Variants in NACC1 observed in about 807,000 individuals in gnomAD.
NACC1 encodes nucleus accumbens associated 1, also known as nucleus accumbens-associated protein 1.
NACC1 carries 6 observed loss-of-function variants against 41.7 expected under a neutral mutation model. The observed-to-expected ratio is 0.14, with a 90% confidence interval of 0.08 to 0.28. The LOEUF is 0.28. Among genes scored for constraint, NACC1 ranks in the 10% least tolerant of loss-of-function variants. The pLI, the probability that NACC1 is intolerant of heterozygous loss-of-function variation, is 1.00. For missense variants in NACC1, 434 were observed against 763.7 expected (o/e 0.57, Z 5.09); for synonymous variants, 338 against 330.6 (o/e 1.02, Z -0.24).
At position 13,137,182 on chromosome 19, in the gene NACC1, C is replaced by T; in HGVS notation, c.1121-89C>T. 1 of 1,262,256 alleles carries T rather than the reference C, an allele frequency of 7.9e-7. No homozygotes were observed. The highest frequency in any genetic ancestry group is 1.1e-6 in the Non-Finnish European group (1 of 870,414). The allele number at this position is 1,262,256 out of a possible 1,614,324, so 78.2% of individuals were successfully genotyped here. On this transcript the variant is annotated intron_variant, in intron 3 of 5. Transcript: ENST00000292431. The surrounding 1 kb of genome is among the most constrained non-coding windows in gnomAD (Gnocchi z 6.1). ...GGGACCCAGAGCCCAGCAGGGAGGG[C>T]CTGGGGTGTTCTGAGATGAGGCCTG...
intron 1 of NACC1, among the ~76,000 whole-genome samples, chr19:13,123,624 C>A (rs981202932): frequency 2.6e-5 from 4 of 152,150 alleles, no homozygotes. Flanking sequence ...AGGTGGAGGT[C>A]CTCAGACAGG....
At chr19:13,134,309 C>G (rs778438907) in intron 1 of NACC1, among the ~76,000 whole-genome samples, 2 of 152,132 alleles carry the variant, frequency 1.3e-5, no homozygotes, top group African/African-American at 2.4e-5. Flanking sequence ...ATCCACACGC[C>G]TTGCCCTCCC....
At chr19:13,120,965 G>A (rs1167901880) in intron 1 of NACC1, among the ~76,000 whole-genome samples, 3 of 152,196 alleles carry the variant, frequency 2.0e-5, no homozygotes, top group South Asian at 2.1e-4. Flanking sequence ...CTGACTCCCC[G>A]CTGGGGGCTG....
rs1036563362 is a variant in NACC1, at chr19:13,133,124, G to A, written c.-8-2076G>A. 1.6e-4 allele frequency among the ~76,000 whole-genome samples: 25 copies of A among 152,276 alleles called. No individual in the cohort carries two copies. The East Asian group carries it at 4.4e-3, about 27-fold the overall frequency. ...GAGAGCTAACTGGAAGGGAGGGAAGGTGTGCATTCCTGCACCAGGGCCTTT... is the reference window on the plus strand; with the variant it reads ...GAGAGCTAACTGGAAGGGAGGGAAGATGTGCATTCCTGCACCAGGGCCTTT... On this transcript the variant is annotated intron_variant, in intron 1 of 5. Transcript: ENST00000292431.
chr19:13,131,020 G>A (rs1309580474), intron 1 of NACC1, among the ~76,000 whole-genome samples: 2 of 152,084 alleles, frequency 1.3e-5, no homozygotes. Flanking sequence ...TTCCCGCCCA[G>A]AAGTGTTATC....
In NACC1 at chr19:13,132,614, G is replaced by A. The variant is rs560100069; in HGVS notation, c.-8-2586G>A. Reference sequence around the variant, plus strand: ...AAGTCTTGCTAAGAGGATTCGGGGAGCTCATAGAAGTTGTGAGTTGGTTCC... The same window carrying A: ...AAGTCTTGCTAAGAGGATTCGGGGAACTCATAGAAGTTGTGAGTTGGTTCC... On this transcript the variant is annotated intron_variant, in intron 1 of 5. Transcript: ENST00000292431. Among the ~76,000 whole-genome samples the A allele has an allele frequency of 3.4e-4, 51 of 152,152 alleles. No individual in the cohort carries two copies. In the South Asian group the frequency reaches 0.01, roughly 30 times the overall value.
At chr19:13,134,131 C>T (rs988914842) in intron 1 of NACC1, among the ~76,000 whole-genome samples, 3 of 152,160 alleles carry the variant, frequency 2.0e-5, no homozygotes, top group Non-Finnish European at 4.4e-5. Context: ...TCACAGCTCA[C>T]TGCAGCCTTG....
At chr19:13,130,724 C>T (rs547188810) in intron 1 of NACC1, among the ~76,000 whole-genome samples, 2 of 151,890 alleles carry the variant, frequency 1.3e-5, no homozygotes, top group East Asian at 2.0e-4. Flanking sequence ...TTAGTAGAGA[C>T]GGGGTTTCAC....
At chr19:13,135,103 G>A in intron 1 of NACC1, 97 bp from the exon 2 acceptor site, 2 of 1,442,500 alleles carry the variant, frequency 1.4e-6, no homozygotes, top group African/African-American at 2.9e-5. Flanking sequence ...TCCAGCAGGG[G>A]AGGTCTTTGG....
Position 13,138,754 on chromosome 19 carries a change from C to T in NACC1, c.*348C>T. Reference sequence around the variant, plus strand: ...TCTTGGGAAGGCCCCTCCCCAGGCCCTAGGCCACCTCGCGGAAGCCTTCAG... The same window carrying T: ...TCTTGGGAAGGCCCCTCCCCAGGCCTTAGGCCACCTCGCGGAAGCCTTCAG... On this transcript the variant is annotated 3_prime_UTR_variant, in exon 6 of 6. Coordinates refer to ENST00000292431, the MANE Select transcript of NACC1 (RefSeq NM_052876.4). This position sits in a 1 kb window ranked among gnomAD's most constrained non-coding sequence, Gnocchi z 5.7. 3.2e-6 allele frequency: 1 copy of T among 310,936 alleles called. No homozygotes were observed. The highest frequency in any genetic ancestry group is 6.2e-6 in the Non-Finnish European group (1 of 162,274). 19.3% of individuals were successfully genotyped at this position (310,936 alleles called of 1,614,324 possible).
chr19:13,123,372 GCCAGGCTCT>G (rs2019523749), intron 1 of NACC1, among the ~76,000 whole-genome samples: 1 of 152,198 alleles, frequency 6.6e-6, no homozygotes, highest in Non-Finnish European at 1.5e-5. Context: ...CAGAGCTTCT[GCCAGGCTCT>G]CCAAGGAGCT....
In NACC1 at chr19:13,138,511, G is replaced by A; in HGVS notation, c.*105G>A. The A allele has an allele frequency of 6.7e-7, 1 of 1,491,298 alleles. No homozygotes were observed. Among genetic ancestry groups the A allele is most frequent in the Admixed American group, 1.9e-5 (1 of 51,908 alleles). The allele number at this position is 1,491,298 out of a possible 1,614,324, so 92.4% of individuals were successfully genotyped here. On this transcript the variant is annotated 3_prime_UTR_variant, in exon 6 of 6. Coordinates refer to ENST00000292431, the MANE Select transcript of NACC1 (RefSeq NM_052876.4). This position sits in a 1 kb window ranked among gnomAD's most constrained non-coding sequence, Gnocchi z 5.7. ...TCTGTCCCTCCCCAGGACCCGCGGT[G>A]GGTGCTGCATGTTCCCGGCCCTCTG...
chr19:13,139,709 C>T lies in NACC1; in HGVS notation c.*1303C>T, dbSNP rs2145628638. On this transcript the variant is annotated 3_prime_UTR_variant, in exon 6 of 6. Transcript: ENST00000292431. ...GCAGGGCAGGGCAGGGCCGGGTCCACTTCCATTGTTAGCAGTTGTTTGCAG... is the reference window on the plus strand; with the variant it reads ...GCAGGGCAGGGCAGGGCCGGGTCCATTTCCATTGTTAGCAGTTGTTTGCAG... The T allele has an allele frequency of 6.5e-6, 1 of 152,746 alleles. No homozygotes were observed. The highest frequency in any genetic ancestry group is 1.5e-5 in the Non-Finnish European group (1 of 68,374). 9.5% of individuals were successfully genotyped at this position (152,746 alleles called of 1,614,324 possible).
chr19:13,140,735 C>T lies in NACC1; in HGVS notation c.*2329C>T, dbSNP rs897805261. ...ACCCCAGGAGCCACCCCTGTACCCC[C>T]CTTGCCCTGCCATTCACCCTCCACC... On this transcript the variant is annotated 3_prime_UTR_variant, in exon 6 of 6. Transcript: ENST00000292431. This position sits in a 1 kb window ranked among gnomAD's most constrained non-coding sequence, Gnocchi z 4.0. The T allele has an allele frequency of 3.3e-5, 5 of 152,984 alleles. No individual in the cohort carries two copies. Among genetic ancestry groups the T allele is most frequent in the African/African-American group, 1.2e-4 (5 of 41,510 alleles). 9.5% of individuals were successfully genotyped at this position (152,984 alleles called of 1,614,324 possible). A position where few individuals can be genotyped will look rare whatever the true frequency, so the allele number is the denominator to read the frequency against.
chr19:13,127,399 T>TTC (rs2145616326), intron 1 of NACC1, among the ~76,000 whole-genome samples: 1 of 121,536 alleles, frequency 8.2e-6, no homozygotes, highest in Admixed American at 8.4e-5. Flanking sequence ...TTTTTTTTTT[T>TTC]TCGGTTAACT....
chr19:13,134,260 A>T (rs2019670533), intron 1 of NACC1, among the ~76,000 whole-genome samples: 1 of 151,886 alleles, frequency 6.6e-6, no homozygotes, highest in South Asian at 2.1e-4. Flanking sequence ...GGGTTTCACC[A>T]TGCTGCCCAG....
In NACC1 at chr19:13,136,179, C is replaced by T. The variant is rs1201785405; in HGVS notation, c.946+26C>T. ...GTGAGGTGCCGTCCTGTCCCCCATCCCACCAGCCACCCCTGCTCCTCCTGC... is the reference window on the plus strand; with the variant it reads ...GTGAGGTGCCGTCCTGTCCCCCATCTCACCAGCCACCCCTGCTCCTCCTGC... On this transcript the variant is annotated intron_variant, in intron 2 of 5. Transcript: ENST00000292431. The surrounding 1 kb of genome is among the most constrained non-coding windows in gnomAD (Gnocchi z 5.5). The T allele has an allele frequency of 6.2e-7, 1 of 1,602,772 alleles. No homozygotes were observed. Among genetic ancestry groups the T allele is most frequent in the Non-Finnish European group, 8.5e-7 (1 of 1,173,520 alleles).
At chr19:13,126,067 C>CG (rs2019557955) in intron 1 of NACC1, among the ~76,000 whole-genome samples, 1 of 145,968 alleles carries the variant, frequency 6.9e-6, no homozygotes, top group African/African-American at 2.5e-5. Context: ...TTTTTTTAGA[C>CG]GGAGTCTTGC....
intron 1 of NACC1, among the ~76,000 whole-genome samples, 184 bp downstream of exon 1, chr19:13,118,638 G>T (rs946873839): frequency 1.3e-5 from 2 of 151,712 alleles, no homozygotes; most frequent in East Asian, 1.9e-4. Flanking sequence ...CGTCCAGCCC[G>T]AGCTTCAGGG....
Sources: allele counts gnomAD v4.1 joint callset (sites outside exome capture counted in the v4.1 genomes callset), GRCh38; gene constraint gnomAD v4.1.1; non-coding constraint Gnocchi (gnomAD v3.1); transcripts MANE v1.5; gene names NCBI Gene and HGNC (gene_info 2026-07-23, HGNC 2026-07-21).